ZNF292: variants seen among roughly 807,000 people sequenced by gnomAD.
The protein encoded by ZNF292 is 16 zinc-finger domain protein.
A neutral mutation model predicts 217.9 loss-of-function variants in ZNF292; 26 were observed. The observed-to-expected ratio is 0.12, with a 90% CI of 0.09 to 0.17. The LOEUF is 0.17. Ranked by LOEUF, ZNF292 falls within the 10% of genes least tolerant of loss-of-function variation. The pLI is 1.00. For missense variants in ZNF292, 2,904 were observed against 3,175.2 expected (o/e 0.91, Z 2.05); for synonymous variants, 1,257 against 1,124.1 (o/e 1.12, Z -2.37).
At position 87,233,417 on chromosome 6, in the gene ZNF292, C is replaced by G; in HGVS notation, c.631C>G (p.Leu211Val). The G allele has an allele frequency of 6.2e-7, 1 of 1,613,540 alleles. No homozygotes were observed. The highest frequency in any genetic ancestry group is 8.5e-7 in the Non-Finnish European group (1 of 1,179,646). The change falls in exon 5 of 8, where the codon CTA (leucine) becomes GTA (valine). Residue 211 changes from leucine to valine, a missense_variant. Leu to Val is a conservative substitution (Grantham distance 32). Around this residue, in one of 15 missense-constraint regions of ZNF292, gnomAD observed 313 missense variants for 451.0 expected, o/e 0.69. Coordinates refer to ENST00000369577, the MANE Select transcript of ZNF292 (RefSeq NM_015021.3). ...AAATCAGTTAAGTCAAGCAACTGCT[C>G]TAGCAAAGCTGTGTTCTGACCATCC... The part of the protein sequence containing the change: ...KTNQLSQATA[L>V]AKLCSDHPEI...
intron 1 of ZNF292, among the ~76,000 whole-genome samples, chr6:87,214,147 A>G (rs1474923008): frequency 6.6e-6 from 1 of 152,216 alleles, no homozygotes; most frequent in East Asian, 1.9e-4. Context: ...CTGTGTTTAC[A>G]TCGAAGCTGA....
At chr6:87,184,683 C>T (rs1284843337) in intron 1 of ZNF292, among the ~76,000 whole-genome samples, 4 of 152,108 alleles carry the variant, frequency 2.6e-5, no homozygotes, top group Non-Finnish European at 5.9e-5. Flanking sequence ...AGGAGTTCCA[C>T]AACAGTCCAT....
rs754684042 is a variant in ZNF292 at position 87,260,880 on chromosome 6, A to G, written c.7251A>G (p.Thr2417=). The part of the protein sequence containing the change: ...YKCHKLSKAF[T]SQHRNLLIVF... ...GCCATAAATTATCTAAGGCATTTAC[A>G]TCACAACACCGAAATCTTCTTATTG... The change falls in exon 8 of 8, where the codon ACA becomes ACG. Residue 2417 remains threonine, a synonymous_variant. Transcript: ENST00000369577. 23 of 1,610,412 alleles carry G rather than the reference A, an allele frequency of 1.4e-5. No homozygotes were observed. The East Asian group carries it at 4.7e-4, about 33-fold the overall frequency.
chr6:87,155,699 G>A lies in ZNF292; in HGVS notation c.108G>A (p.Leu36=), dbSNP rs1222466432. 1.3e-6 allele frequency: 2 copies of A among 1,594,660 alleles called. No individual in the cohort carries two copies. The highest frequency in any genetic ancestry group is 1.1e-5 in the South Asian group (1 of 88,020). Residue 36 remains leucine (L), a synonymous_variant, in exon 1 of 8, where the codon CTG becomes CTA. Coordinates refer to ENST00000369577, the MANE Select transcript of ZNF292 (RefSeq NM_015021.3). The part of the protein sequence containing the change: ...GERLQELELQ[L]RESRVPAVEA... ...GGCTCCAGGAGCTGGAGCTACAGCT[G>A]CGGGAGAGCCGGGTACCGGCCGTGG...
chr6:87,239,384 C>T (rs9450640), intron 5 of ZNF292, among the ~76,000 whole-genome samples: 53,766 of 146,702 alleles, frequency 0.37, 10,163 homozygotes, highest in Admixed American at 0.51. Flanking sequence ...GGGCGGCTGG[C>T]GGGCCGGGGG....
intron 1 of ZNF292, among the ~76,000 whole-genome samples, chr6:87,187,965 G>A (rs139908335): frequency 2.9e-4 from 44 of 152,206 alleles, no homozygotes; most frequent in African/African-American, 1.0e-3. Context: ...AATGCTGGCC[G>A]GTGTTTGCTG....
At chr6:87,226,831 A>G (rs976670619) in intron 4 of ZNF292, among the ~76,000 whole-genome samples, 1 of 151,764 alleles carries the variant, frequency 6.6e-6, no homozygotes, top group African/African-American at 2.4e-5. Context: ...GGCATGCACC[A>G]CCATGCCCAG....
intron 7 of ZNF292, among the ~76,000 whole-genome samples, chr6:87,246,377 A>T (rs1451645497): frequency 2.0e-5 from 3 of 152,246 alleles, no homozygotes; most frequent in African/African-American, 7.2e-5. Context: ...TAAAACAAAC[A>T]TCTTTTTTTA....
intron 4 of ZNF292, among the ~76,000 whole-genome samples, chr6:87,219,897 G>A (rs1387016667): frequency 2.0e-5 from 3 of 152,132 alleles, no homozygotes; most frequent in Admixed American, 2.0e-4. Flanking sequence ...GTGCGATCAT[G>A]GCTCACCGCA....
chr6:87,173,547 G>C (rs1174092087), intron 1 of ZNF292: 2 of 155,628 alleles, frequency 1.3e-5, no homozygotes, highest in Non-Finnish European at 2.9e-5. Context: ...TCTTCCCAGA[G>C]GCTATTCACA....
At chr6:87,239,390 G>A (rs575110481) in intron 5 of ZNF292, among the ~76,000 whole-genome samples, 1,143 of 108,242 alleles carry the variant, frequency 0.011, 17 homozygotes, top group African/African-American at 0.037. Context: ...CTGGCGGGCC[G>A]GGGGCTGGCC....
intron 1 of ZNF292, among the ~76,000 whole-genome samples, chr6:87,201,618 G>T (rs1772101395): frequency 6.6e-6 from 1 of 152,042 alleles, no homozygotes; most frequent in Non-Finnish European, 1.5e-5. Context: ...TGGTCAGGCT[G>T]GTCTTGAACC....
rs1774603578 is a variant in ZNF292 at position 87,246,673 on chromosome 6, T to TG, written c.1020+1031dup. Among the ~76,000 whole-genome samples, 3 of 152,340 alleles carry TG rather than the reference T, an allele frequency of 2.0e-5. No homozygotes were observed. The South Asian group carries it at 6.2e-4, about 32-fold the overall frequency. ...TGAGGTCAGAAGTTTGAGATCAGCCTGGCCAACATGATGAAACCCCATCTC... is the reference window on the plus strand; with the variant it reads ...TGAGGTCAGAAGTTTGAGATCAGCCTGGGCCAACATGATGAAACCCCATCTC... On this transcript the variant is annotated intron_variant, in intron 7 of 7. Coordinates refer to ENST00000369577, the MANE Select transcript of ZNF292 (RefSeq NM_015021.3).
intron 1 of ZNF292, among the ~76,000 whole-genome samples, chr6:87,157,090 T>C (rs1214177209): frequency 6.6e-6 from 1 of 152,236 alleles, no homozygotes. Flanking sequence ...TTTTCTTTAT[T>C]ATGTCGGGGA....
chr6:87,233,579 TTTTAA>T (rs1276929317), intron 5 of ZNF292, 52 bp downstream of exon 5: 1 of 1,569,348 alleles, frequency 6.4e-7, no homozygotes, highest in Non-Finnish European at 8.6e-7. Context: ...AGAAATTAAT[TTTTAA>T]TTAGAATGTC....
chr6:87,259,119 A>G lies in ZNF292; in HGVS notation c.5490A>G (p.Val1830=), dbSNP rs1163084076. ...AAAGTAACATTCCTCAGTCTGAAGT[A>G]TCACATAAGGAGGATCAAATACAGG... ...PTKSNIPQSE[V]SHKEDQIQEI... is the part of the protein sequence containing the mutation. Residue 1830 remains valine (V), a synonymous_variant, in exon 8 of 8, where the codon GTA becomes GTG. Coordinates refer to ENST00000369577, the MANE Select transcript of ZNF292 (RefSeq NM_015021.3). The G allele has an allele frequency of 6.2e-7, 1 of 1,613,416 alleles. No homozygotes were observed. The highest frequency in any genetic ancestry group is 1.7e-5 in the Admixed American group (1 of 59,872).
At chr6:87,167,778 T>G (rs1770964239) in intron 1 of ZNF292, among the ~76,000 whole-genome samples, 2 of 152,238 alleles carry the variant, frequency 1.3e-5, no homozygotes, top group South Asian at 4.1e-4. Context: ...CTGCTCTTTA[T>G]GTGGTTGAGA....
chr6:87,253,142 G>T (rs1230894571), intron 7 of ZNF292, among the ~76,000 whole-genome samples: 1 of 149,220 alleles, frequency 6.7e-6, no homozygotes, highest in Non-Finnish European at 1.5e-5. Flanking sequence ...CAAACTCTTG[G>T]CCTCAATCAG....
At chr6:87,239,664 T>C (rs1352090037) in intron 5 of ZNF292, among the ~76,000 whole-genome samples, 30 of 88,894 alleles carry the variant, frequency 3.4e-4, no homozygotes, top group African/African-American at 1.9e-3. Context: ...GGCTCCTCAC[T>C]TCTCAGACGG....
Sources: allele counts gnomAD v4.1 joint callset (sites outside exome capture counted in the v4.1 genomes callset), GRCh38; gene constraint gnomAD v4.1.1; regional missense constraint gnomAD v4.1.1; transcripts MANE v1.5; gene names NCBI Gene and HGNC (gene_info 2026-07-23, HGNC 2026-07-21).